USP10: variants seen among roughly 807,000 people sequenced by gnomAD.
The protein encoded by USP10 is ubiquitin specific peptidase 10, also known as ubiquitin carboxyl-terminal hydrolase 10.
USP10 carries 22 observed loss-of-function variants against 84.5 expected under a neutral mutation model. That is an observed-to-expected ratio of 0.26 (90% CI 0.19 to 0.37). USP10 has a LOEUF of 0.37. Ranked by LOEUF, USP10 falls within the 10% of genes least tolerant of loss-of-function variation. The pLI, the probability that USP10 is intolerant of heterozygous loss-of-function variation, is 1.00. For synonymous variants in USP10, 454 were observed against 387.6 expected (o/e 1.17, Z -2.01); for missense variants, 1,019 against 998.9 (o/e 1.02, Z -0.27).
At chr16:84,775,369 TGA>T in intron 13 of USP10, 144 bp downstream of exon 13, 1 of 730,150 alleles carries the variant, frequency 1.4e-6, no homozygotes, top group Non-Finnish European at 2.3e-6. Context: ...GGGAGTCACG[TGA>T]GAGTTTTACC....
intron 1 of USP10, 31 bp downstream of exon 1, chr16:84,700,142 G>C (rs1251353649): frequency 7.6e-7 from 1 of 1,318,960 alleles, no homozygotes; most frequent in Admixed American, 2.8e-5. Flanking sequence ...TCGGCCGGAA[G>C]GGGCCCGAGC....
rs116302310 is a variant in USP10, at chr16:84,777,382, C to T, written c.2210-1513C>T. 9.1e-3 allele frequency among the ~76,000 whole-genome samples: 1,388 copies of T among 152,280 alleles called. 18 individuals carry two copies. Among genetic ancestry groups the T allele is most frequent in the African/African-American group, 0.031 (1,297 of 41,554 alleles). ...TCGCTTTGAAGCAAAACTCTTAGCCCAGTCAGTTAGGTCTGTGAGGTGAAG... is the reference window on the plus strand; with the variant it reads ...TCGCTTTGAAGCAAAACTCTTAGCCTAGTCAGTTAGGTCTGTGAGGTGAAG... On this transcript the variant is annotated intron_variant, in intron 13 of 13. Transcript: ENST00000219473.
chr16:84,775,627 C>T (rs191754741), intron 13 of USP10, among the ~76,000 whole-genome samples: 7 of 152,290 alleles, frequency 4.6e-5, no homozygotes, highest in African/African-American at 1.4e-4. Context: ...CCGGTGATCC[C>T]TGCGTCCTCC....
chr16:84,777,560 CG>C lies in USP10; in HGVS notation c.2210-1332del, dbSNP rs1029805141. ...GCTGTGTCCCTGGCTCTCCGAAGTA[CG>C]GGCCCCACAGTCTTGCTGTCCCTAT... On this transcript the variant is annotated intron_variant, in intron 13 of 13. Transcript: ENST00000219473. 5.6e-4 allele frequency among the ~76,000 whole-genome samples: 86 copies of C among 152,262 alleles called. 1 individual carries two copies. The highest frequency in any genetic ancestry group is 4.8e-3 in the Admixed American group (74 of 15,298).
At chr16:84,771,635 G>C (rs1050827051) in intron 11 of USP10, among the ~76,000 whole-genome samples, 3 of 152,200 alleles carry the variant, frequency 2.0e-5, no homozygotes, top group Non-Finnish European at 4.4e-5. Context: ...TTGGGAGGCT[G>C]AGGCAGGTGG....
chr16:84,701,041 C>G (rs1248707291), intron 1 of USP10, among the ~76,000 whole-genome samples: 2 of 152,160 alleles, frequency 1.3e-5, no homozygotes, highest in South Asian at 2.1e-4. Context: ...TTTAAACCAT[C>G]TCATTGTGTA....
At chr16:84,726,801 C>A (rs369649364) in intron 1 of USP10, among the ~76,000 whole-genome samples, 7 of 152,354 alleles carry the variant, frequency 4.6e-5, no homozygotes, top group Middle Eastern at 3.4e-3. Context: ...GCCTGAAGCC[C>A]TTGTACTTTG....
intron 10 of USP10, among the ~76,000 whole-genome samples, chr16:84,765,473 C>T (rs1346778830): frequency 2.2e-5 from 3 of 134,366 alleles, no homozygotes; most frequent in Non-Finnish European, 3.2e-5. Flanking sequence ...TCTGTAGTTT[C>T]GTCTTTTTTT....
At chr16:84,764,939 A>AAAATAT (rs370383030) in intron 10 of USP10, among the ~76,000 whole-genome samples, 2,044 of 132,206 alleles carry the variant, frequency 0.015, 71 homozygotes, top group African/African-American at 0.054. Context: ...GAGAAAAAAA[A>AAAATAT]ATATATATAT....
intron 11 of USP10, among the ~76,000 whole-genome samples, chr16:84,770,616 C>A (rs930942296): frequency 1.3e-5 from 2 of 151,852 alleles, no homozygotes; most frequent in Non-Finnish European, 2.9e-5. Flanking sequence ...ACTAAAAATA[C>A]AAAAAGTTAG....
At chr16:84,741,128 T>C (rs1336387755) in intron 3 of USP10, among the ~76,000 whole-genome samples, 4 of 152,246 alleles carry the variant, frequency 2.6e-5, no homozygotes, top group African/African-American at 9.6e-5. Flanking sequence ...TCAGTTAGCA[T>C]GGTCAGACTT....
rs1915346914 is a variant in USP10, at chr16:84,779,416, CA to C, written c.*336del. 1 of 183,626 alleles carries C rather than the reference CA, an allele frequency of 5.4e-6. No homozygotes were observed. The highest frequency in any genetic ancestry group is 6.3e-5 in the Admixed American group (1 of 15,984). The allele number at this position is 183,626 out of a possible 1,614,324, so 11.4% of individuals were successfully genotyped here. On this transcript the variant is annotated 3_prime_UTR_variant, in exon 14 of 14. Transcript: ENST00000219473. Reference sequence around the variant, plus strand: ...CTTAGTAGAATAAATCCTGCACCAGCAACAACACTTGTAAATTTGTGAAAAT... The same window carrying C: ...CTTAGTAGAATAAATCCTGCACCAGCACAACACTTGTAAATTTGTGAAAAT...
intron 11 of USP10, among the ~76,000 whole-genome samples, chr16:84,769,569 G>A (rs1914209839): frequency 9.1e-6 from 1 of 110,104 alleles, no homozygotes; most frequent in African/African-American, 3.4e-5. Flanking sequence ...TTGGTTGGGT[G>A]GTTCAGTTGT....
chr16:84,710,881 G>C (rs1398987574), intron 1 of USP10, among the ~76,000 whole-genome samples: 1 of 152,172 alleles, frequency 6.6e-6, no homozygotes, highest in Non-Finnish European at 1.5e-5. Context: ...TTTGTGTACA[G>C]CTTTTTTTGT....
At position 84,779,537 on chromosome 16, in the gene USP10, T is replaced by C. The variant is rs1454503354; in HGVS notation, c.*455T>C. 1 of 153,118 alleles carries C rather than the reference T, an allele frequency of 6.5e-6. No homozygotes were observed. Among genetic ancestry groups the C allele is most frequent in the African/African-American group, 2.4e-5 (1 of 41,474 alleles). The allele number at this position is 153,118 out of a possible 1,614,324, so 9.5% of individuals were successfully genotyped here. On this transcript the variant is annotated 3_prime_UTR_variant, in exon 14 of 14. Transcript: ENST00000219473. ...TGATAAATGATAAAAATGAGCCAGT[T>C]ATCAAAGAAGAACTAGTTCTTACTT... is the stretch of plus-strand genomic sequence containing the variant.
At chr16:84,761,790 T>C (rs938239111) in intron 8 of USP10, among the ~76,000 whole-genome samples, 4 of 152,282 alleles carry the variant, frequency 2.6e-5, no homozygotes, top group Admixed American at 2.6e-4. Flanking sequence ...GGAACCTTTC[T>C]GAAATCCAAA....
At position 84,745,576 on chromosome 16, in the gene USP10, C is replaced by G. The variant is rs368828194; in HGVS notation, c.1095C>G (p.Ser365=). The change falls in exon 4 of 14, where the codon TCC becomes TCG. Residue 365 remains serine, a synonymous_variant. Coordinates refer to ENST00000219473, the MANE Select transcript of USP10 (RefSeq NM_005153.3). ...TGGCCTATGTGGAAACTAAGTATTC[C>G]CCTCCCGCCATATCTCCCCTGGTTT... ...SPVAYVETKY[S]PPAISPLVSE... is the part of the protein sequence containing the mutation. 10 of 1,610,426 alleles carry G rather than the reference C, an allele frequency of 6.2e-6. No homozygotes were observed. The highest frequency in any genetic ancestry group is 2.2e-5 in the East Asian group (1 of 44,804).
chr16:84,760,386 G>C (rs921834527), intron 8 of USP10, 111 bp downstream of exon 8: 4 of 925,824 alleles, frequency 4.3e-6, no homozygotes, highest in Admixed American at 2.4e-5. Flanking sequence ...GCTATAAGTA[G>C]ATGTAGGTTT....
In USP10 at chr16:84,743,412, C is replaced by T. The variant is rs113994255; in HGVS notation, c.152-1221C>T. On this transcript the variant is annotated intron_variant, in intron 3 of 13. Transcript: ENST00000219473. The stretch of plus-strand genomic sequence containing the variant: ...CCAGCCTCCTGCACACTCACTTGCA[C>T]GTAACTGGCCCCTCTCAGCGTCTGT... Among the ~76,000 whole-genome samples, 1,423 of 152,222 alleles carry T rather than the reference C, an allele frequency of 9.3e-3. 15 individuals carry two copies. The highest frequency in any genetic ancestry group is 0.031 in the African/African-American group (1,308 of 41,538).
Sources: allele counts gnomAD v4.1 joint callset (sites outside exome capture counted in the v4.1 genomes callset), GRCh38; gene constraint gnomAD v4.1.1; transcripts MANE v1.5; gene names NCBI Gene and HGNC (gene_info 2026-07-23, HGNC 2026-07-21).